The following CYRIB variants were observed in gnomAD, a reference collection of about 807,000 sequenced individuals.
CYRIB encodes the protein CYFIP-related Rac1 interactor B.
In CYRIB, 8 loss-of-function variants were observed where a neutral mutation model predicts 44.2. The observed-to-expected ratio is 0.18, with a 90% CI of 0.11 to 0.33. CYRIB has a LOEUF of 0.33. Ranked by LOEUF, CYRIB falls within the 10% of genes least tolerant of loss-of-function variation. The pLI is 1.00. For missense variants in CYRIB, 185 were observed against 382.8 expected (o/e 0.48, Z 4.31); for synonymous variants, 131 against 127.2 (o/e 1.03, Z -0.20).
chr8:129,923,552 G>A (rs2085244441), intron 1 of CYRIB, among the ~76,000 whole-genome samples: 1 of 152,074 alleles, frequency 6.6e-6, no homozygotes, highest in Admixed American at 6.5e-5. Context: ...TGGGATTACA[G>A]GTGTGAGTCA....
intron 3 of CYRIB, among the ~76,000 whole-genome samples, chr8:129,876,307 C>A (rs1294184351): frequency 1.3e-5 from 2 of 151,638 alleles, no homozygotes; most frequent in Non-Finnish European, 2.9e-5. Context: ...GAGGTCAAAG[C>A]TGCAGTGAGC....
chr8:129,932,423 T>TA (rs1319143892), intron 1 of CYRIB, among the ~76,000 whole-genome samples: 1 of 152,118 alleles, frequency 6.6e-6, no homozygotes, highest in Non-Finnish European at 1.5e-5. Context: ...CAGGCGTGCT[T>TA]ATTGCTCATT....
At position 130,011,339 on chromosome 8, in the gene CYRIB, G is replaced by A. The variant is rs769203892; in HGVS notation, c.-296+5031C>T. On this transcript the variant is annotated intron_variant, in intron 1 of 14. Transcript: ENST00000401979. ...AGTTCGAGACCGGCCTGGCCAATAT[G>A]GGGAAACCCTGTCTCTACTAAAAAT... is the stretch of plus-strand genomic sequence containing the variant. Among the ~76,000 whole-genome samples the A allele has an allele frequency of 4.4e-4, 66 of 151,622 alleles. 1 individual carries two copies. Among genetic ancestry groups the A allele is most frequent in the Admixed American group, 3.0e-3 (45 of 15,206 alleles).
intron 2 of CYRIB, among the ~76,000 whole-genome samples, chr8:129,954,457 A>G (rs1257787035): frequency 6.6e-6 from 1 of 152,126 alleles, no homozygotes; most frequent in Non-Finnish European, 1.5e-5. Flanking sequence ...TCCTGATCTC[A>G]GGTGATCCAC....
chr8:129,985,649 A>G (rs2096429745), intron 1 of CYRIB, among the ~76,000 whole-genome samples: 1 of 152,202 alleles, frequency 6.6e-6, no homozygotes, highest in Non-Finnish European at 1.5e-5. Context: ...GCTCTCAGAA[A>G]AAAAAAATGC....
intron 5 of CYRIB, among the ~76,000 whole-genome samples, chr8:129,860,989 A>G (rs1159826901): frequency 6.6e-6 from 1 of 152,186 alleles, no homozygotes; most frequent in Admixed American, 6.5e-5. Context: ...TTGGGTCCCC[A>G]GTTTGACTTC....
At chr8:129,918,017 C>T (rs1006502561) in intron 1 of CYRIB, among the ~76,000 whole-genome samples, 3 of 152,114 alleles carry the variant, frequency 2.0e-5, no homozygotes, top group Non-Finnish European at 2.9e-5. Context: ...CACCCTAACT[C>T]GTATTACTTC....
chr8:129,840,157 CAGA>C (rs1177177906), exon 12 of CYRIB: 1 of 168,726 alleles, frequency 5.9e-6, no homozygotes, highest in African/African-American at 2.4e-5. Context: ...CTTAAAACAA[CAGA>C]AATTTATTCC....
chr8:129,902,619 T>TAAGCC (rs1184881083), intron 2 of CYRIB, among the ~76,000 whole-genome samples: 1 of 152,132 alleles, frequency 6.6e-6, no homozygotes, highest in Non-Finnish European at 1.5e-5. Context: ...CAGGCTCAGG[T>TAAGCC]AAGCCACCAC....
At chr8:129,853,317 C>G (rs1034438816) in intron 7 of CYRIB, among the ~76,000 whole-genome samples, 1 of 152,060 alleles carries the variant, frequency 6.6e-6, no homozygotes, top group African/African-American at 2.4e-5. Flanking sequence ...CAGTCTCACA[C>G]GAGGAACTGG....
chr8:129,924,943 A>G (rs1276486025), intron 1 of CYRIB, among the ~76,000 whole-genome samples: 1 of 152,174 alleles, frequency 6.6e-6, no homozygotes, highest in Admixed American at 6.5e-5. Flanking sequence ...CTTTAGTATA[A>G]TCGTCAAATT....
At chr8:129,880,578 G>T in intron 2 of CYRIB, 1 of 269,720 alleles carries the variant, frequency 3.7e-6, no homozygotes, top group Non-Finnish European at 5.7e-6. Flanking sequence ...TATGCTTTTG[G>T]CATTGAGAAT....
intron 1 of CYRIB, among the ~76,000 whole-genome samples, chr8:130,009,550 G>A (rs2097176009): frequency 6.6e-6 from 1 of 152,140 alleles, no homozygotes. Context: ...TTACAGGTGT[G>A]AGCCACTGCG....
chr8:129,890,935 AAAGAG>A (rs553808372), intron 2 of CYRIB, among the ~76,000 whole-genome samples: 237 of 152,196 alleles, frequency 1.6e-3, no homozygotes, highest in African/African-American at 5.0e-3. Context: ...TAAAAGAAGA[AAAGAG>A]AAGAGAAGAG....
At chr8:129,876,731 T>C (rs1012002010) in intron 3 of CYRIB, among the ~76,000 whole-genome samples, 3 of 151,850 alleles carry the variant, frequency 2.0e-5, no homozygotes, top group Admixed American at 2.0e-4. Flanking sequence ...TGCAGAGACA[T>C]ATTGGGTCAC....
rs201344966 is a variant in CYRIB, at chr8:129,879,340, C to T, written c.73+49G>A. 74 of 1,212,448 alleles carry T rather than the reference C, an allele frequency of 6.1e-5. No individual in the cohort carries two copies. In the East Asian group the frequency reaches 9.1e-4, roughly 15 times the overall value. The allele number at this position is 1,212,448 out of a possible 1,614,324, so 75.1% of individuals were successfully genotyped here. A position where few individuals can be genotyped will look rare whatever the true frequency, so the allele number is the denominator to read the frequency against. On this transcript the variant is annotated intron_variant, in intron 3 of 11. Coordinates refer to ENST00000519824, the Ensembl canonical transcript of CYRIB. ...AAACATTCATTTAGTGCAAGACAAACGCAGTCTACTGCAGGCAAAGAGAAA... is the reference window on the plus strand; with the variant it reads ...AAACATTCATTTAGTGCAAGACAAATGCAGTCTACTGCAGGCAAAGAGAAA...
intron 4 of CYRIB, among the ~76,000 whole-genome samples, chr8:129,863,340 T>C (rs1441195498): frequency 2.0e-5 from 3 of 152,064 alleles, no homozygotes; most frequent in African/African-American, 4.8e-5. Flanking sequence ...GCTTGACCAA[T>C]GTGGTGAAAC....
intron 1 of CYRIB, among the ~76,000 whole-genome samples, chr8:129,939,001 T>C (rs1010305806): frequency 1.4e-4 from 22 of 152,238 alleles, no homozygotes; most frequent in South Asian, 1.2e-3. Flanking sequence ...CTTTAAACGC[T>C]GATCATTAAT....
chr8:130,013,697 G>A (rs934437705), intron 1 of CYRIB, among the ~76,000 whole-genome samples: 9 of 152,116 alleles, frequency 5.9e-5, no homozygotes, highest in Admixed American at 1.3e-4. Context: ...TCCCTCGGGC[G>A]TCCTTCCTGT....
Sources: allele counts gnomAD v4.1 joint callset (sites outside exome capture counted in the v4.1 genomes callset), GRCh38; gene constraint gnomAD v4.1.1; transcripts MANE v1.5; gene names NCBI Gene and HGNC (gene_info 2026-07-23, HGNC 2026-07-21).